The following TENM3 variants were observed in gnomAD, a reference collection of about 807,000 sequenced individuals.
TENM3 encodes the protein teneurin-3.
TENM3 carries 63 observed loss-of-function variants against 255.1 expected under a neutral mutation model. The observed-to-expected ratio is 0.25, with a 90% CI of 0.20 to 0.30. The LOEUF is 0.30. TENM3 is among the 10% of genes least tolerant of loss of function. TENM3 has a pLI of 1.00. For missense variants in TENM3, 2,929 were observed against 3,461.1 expected (o/e 0.85, Z 3.86); for synonymous variants, 1,306 against 1,322.3 (o/e 0.99, Z 0.27).
chr4:181,748,803 T>A, the TENM3 span, among the ~76,000 whole-genome samples: 1 of 152,130 alleles, frequency 6.6e-6, no homozygotes, highest in East Asian at 1.9e-4. Flanking sequence ...GTAATAATTC[T>A]TGTCTAGTAT....
the TENM3 span, among the ~76,000 whole-genome samples, chr4:181,873,651 A>G: frequency 2.0e-5 from 3 of 152,008 alleles, no homozygotes; most frequent in Admixed American, 2.0e-4. Context: ...TAGACATTCT[A>G]TTTTATAGCC....
At chr4:182,123,919 A>T in the TENM3 span, among the ~76,000 whole-genome samples, 1 of 152,218 alleles carries the variant, frequency 6.6e-6, no homozygotes, top group Admixed American at 6.5e-5. Context: ...AAGACCACCA[A>T]GGGTTTTGTC....
chr4:182,229,432 A>C (rs1234189065), intron 1 of TENM3, among the ~76,000 whole-genome samples: 1 of 152,124 alleles, frequency 6.6e-6, no homozygotes, highest in Non-Finnish European at 1.5e-5. Flanking sequence ...GAGTAACATA[A>C]TACCTTCTAT....
At chr4:182,235,436 G>A (rs750736962) in intron 1 of TENM3, among the ~76,000 whole-genome samples, 4 of 152,198 alleles carry the variant, frequency 2.6e-5, no homozygotes, top group Non-Finnish European at 4.4e-5. Flanking sequence ...TGTTAGTAAA[G>A]ACAGATGTTG....
the TENM3 span, among the ~76,000 whole-genome samples, chr4:182,043,495 C>T: frequency 1.3e-5 from 2 of 152,116 alleles, no homozygotes; most frequent in African/African-American, 4.8e-5. Context: ...GATGATTTGT[C>T]TAAGTTGCTC....
At chr4:182,291,692 T>C (rs999648280) in intron 1 of TENM3, among the ~76,000 whole-genome samples, 4 of 152,176 alleles carry the variant, frequency 2.6e-5, no homozygotes, top group African/African-American at 9.7e-5. Flanking sequence ...CCAGCTTGAC[T>C]TCCGAGTATG....
At chr4:181,590,959 TATAA>T in the TENM3 span, among the ~76,000 whole-genome samples, 21 of 152,226 alleles carry the variant, frequency 1.4e-4, no homozygotes, top group Non-Finnish European at 2.2e-4. Context: ...CATTTTTTGA[TATAA>T]ATAATCTCCT....
At chr4:182,160,768 A>C (rs1459700431) in intron 1 of TENM3, among the ~76,000 whole-genome samples, 1 of 152,200 alleles carries the variant, frequency 6.6e-6, no homozygotes, top group Admixed American at 6.5e-5. Flanking sequence ...TTGCACAGCA[A>C]GGTGACTGTA....
intron 5 of TENM3, among the ~76,000 whole-genome samples, chr4:182,648,634 C>A (rs187587184): frequency 6.6e-6 from 1 of 152,054 alleles, no homozygotes; most frequent in Non-Finnish European, 1.5e-5. Context: ...GTATATGGAT[C>A]GCAATAAGTG....
chr4:181,951,539 C>T, the TENM3 span, among the ~76,000 whole-genome samples: 51 of 152,320 alleles, frequency 3.3e-4, no homozygotes, highest in African/African-American at 1.1e-3. Context: ...AAAGGAAGAA[C>T]GGCAAAGTCC....
At chr4:181,621,132 A>T in the TENM3 span, among the ~76,000 whole-genome samples, 13 of 152,234 alleles carry the variant, frequency 8.5e-5, no homozygotes, top group African/African-American at 3.1e-4. Context: ...CAAATTGCTG[A>T]TATAGTTAAG....
chr4:182,235,502 C>T (rs981088521), intron 1 of TENM3, among the ~76,000 whole-genome samples: 1 of 152,160 alleles, frequency 6.6e-6, no homozygotes, highest in African/African-American at 2.4e-5. Context: ...GCAGAACTGG[C>T]CTCGGTGTGC....
chr4:182,029,307 C>T, the TENM3 span, among the ~76,000 whole-genome samples: 2 of 152,226 alleles, frequency 1.3e-5, no homozygotes, highest in East Asian at 3.9e-4. Flanking sequence ...GCCCCCACCT[C>T]CAACACTGGG....
chr4:181,922,176 T>G, the TENM3 span, among the ~76,000 whole-genome samples: 962 of 152,218 alleles, frequency 6.3e-3, 6 homozygotes, highest in African/African-American at 0.022. Context: ...GTTCATCAAA[T>G]ATATTGGTCT....
chr4:181,676,047 A>T, the TENM3 span, among the ~76,000 whole-genome samples: 1 of 151,450 alleles, frequency 6.6e-6, no homozygotes, highest in Non-Finnish European at 1.5e-5. Flanking sequence ...ACTAATGAGC[A>T]CTCTTAAAGT....
At chr4:182,652,122 A>C (rs143342540) in intron 5 of TENM3, among the ~76,000 whole-genome samples, 1 of 152,220 alleles carries the variant, frequency 6.6e-6, no homozygotes, top group Non-Finnish European at 1.5e-5. Flanking sequence ...CAGAAAATAG[A>C]ATATTCCTAA....
chr4:182,044,390 T>TA, the TENM3 span, among the ~76,000 whole-genome samples: 6 of 152,248 alleles, frequency 3.9e-5, no homozygotes, highest in Non-Finnish European at 5.9e-5. Context: ...ACGTTTTAAC[T>TA]AATGCTTTCC....
the TENM3 span, among the ~76,000 whole-genome samples, chr4:181,986,082 G>T: frequency 6.6e-6 from 1 of 152,024 alleles, no homozygotes; most frequent in Non-Finnish European, 1.5e-5. Flanking sequence ...ACGACCAAGG[G>T]TTTCCGTTTC....
intron 3 of TENM3, among the ~76,000 whole-genome samples, chr4:182,541,902 T>TA (rs1018511505): frequency 8.2e-5 from 12 of 146,186 alleles, no homozygotes; most frequent in East Asian, 2.0e-4. Context: ...CTACAAAACT[T>TA]AAAAAAAAAA....
Sources: gnomAD v4.1 joint callset for allele counts (sites outside exome capture counted in the v4.1 genomes callset) on GRCh38, gnomAD v4.1.1 for gene constraint, MANE v1.5 for transcripts, NCBI Gene and HGNC (gene_info 2026-07-23, HGNC 2026-07-21) for gene names.